Variants in BTBD3 observed in about 807,000 individuals in gnomAD.
The protein encoded by BTBD3 is BTB domain containing 3.
In BTBD3, 14 loss-of-function variants were observed where a neutral mutation model predicts 41.6. That is an observed-to-expected ratio of 0.34 (90% CI 0.22 to 0.53). BTBD3 has a LOEUF of 0.53. BTBD3 is among the 20% of genes least tolerant of loss of function. BTBD3 has a pLI of 0.95. For missense variants in BTBD3, 426 were observed against 654.7 expected (o/e 0.65, Z 3.81); for synonymous variants, 249 against 233.7 (o/e 1.07, Z -0.60).
upstream of BTBD3, chr20:11,913,441 T>A (rs1163934393): frequency 6.6e-6 from 1 of 152,142 alleles, no homozygotes; most frequent in African/African-American, 2.4e-5. Context: ...CTACATATGT[T>A]CATGGTTTTC....
chr20:11,897,003 C>A (rs986460454), intron 1 of BTBD3, among the ~76,000 whole-genome samples: 9 of 152,068 alleles, frequency 5.9e-5, no homozygotes, highest in Non-Finnish European at 2.9e-5. Flanking sequence ...GTTATTCCTC[C>A]TTTTTTAATA....
chr20:11,911,373 T>C (rs914015228), intron 1 of BTBD3, among the ~76,000 whole-genome samples: 5 of 152,216 alleles, frequency 3.3e-5, no homozygotes, highest in Non-Finnish European at 5.9e-5. Context: ...GCAAATATTA[T>C]ACAGATTTTT....
intron 1 of BTBD3, among the ~76,000 whole-genome samples, chr20:11,892,243 C>T (rs925534183): frequency 5.9e-5 from 9 of 152,128 alleles, no homozygotes; most frequent in African/African-American, 2.2e-4. Context: ...TTTTGAATTT[C>T]TGTTGAGGTT....
At chr20:11,891,078 G>C (rs1343153493) in intron 1 of BTBD3, 7 of 681,678 alleles carry the variant, frequency 1.0e-5, no homozygotes, top group Non-Finnish European at 1.3e-5. Context: ...GGAGAGGCCG[G>C]GCTGGTGGCC....
intron 1 of BTBD3, among the ~76,000 whole-genome samples, chr20:11,907,393 T>C (rs1364264401): frequency 6.6e-6 from 1 of 152,194 alleles, no homozygotes; most frequent in Non-Finnish European, 1.5e-5. Flanking sequence ...ACACTGTAGA[T>C]CTTAGTTTCA....
rs774541115 is a variant in BTBD3, at chr20:11,918,371, A to G, written c.96A>G (p.Lys32=). The change falls in exon 1 of 4, where the codon AAA becomes AAG. Residue 32 remains lysine, a synonymous_variant. Transcript: ENST00000378226. ...VKNRSKKSSK[K]ANTSSSSSNS... is the part of the protein sequence containing the mutation. The stretch of plus-strand genomic sequence containing the variant: ...ACAGGTCCAAGAAAAGCTCAAAGAA[A>G]GCAAATACCAGCAGCAGCAGTAGCA... 1 of 1,614,198 alleles carries G rather than the reference A, an allele frequency of 6.2e-7. No homozygotes were observed. The highest frequency in any genetic ancestry group is 8.5e-7 in the Non-Finnish European group (1 of 1,180,012).
chr20:11,911,820 A>G (rs537654676), intron 1 of BTBD3, among the ~76,000 whole-genome samples: 2 of 152,294 alleles, frequency 1.3e-5, no homozygotes, highest in South Asian at 2.1e-4. Context: ...CCCCTTTTCA[A>G]GATCACTTAA....
intron 1 of BTBD3, among the ~76,000 whole-genome samples, chr20:11,896,970 G>C (rs1459819961): frequency 6.6e-6 from 1 of 152,190 alleles, no homozygotes; most frequent in Non-Finnish European, 1.5e-5. Context: ...ATCTTTACCT[G>C]TTGGCAGTAT....
Position 11,923,131 on chromosome 20 carries a change from C to G in BTBD3, c.1034C>G (p.Thr345Ser), listed in dbSNP as rs1166867527. The G allele has an allele frequency of 1.2e-6, 2 of 1,613,988 alleles. No individual in the cohort carries two copies. Among genetic ancestry groups the G allele is most frequent in the African/African-American group, 2.7e-5 (2 of 74,932 alleles). The change falls in exon 4 of 4, where the codon ACC (threonine) becomes AGC (serine). Residue 345 changes from threonine to serine, a missense_variant. Physicochemically the swap from Thr to Ser is moderately conservative, Grantham distance 58. This residue lies in a region of BTBD3 where 321 missense variants were observed against 534.8 expected (regional missense o/e 0.60). Coordinates refer to ENST00000378226, the MANE Select transcript of BTBD3 (RefSeq NM_014962.4). The surrounding 1 kb of genome is among the most constrained non-coding windows in gnomAD (Gnocchi z 5.3). ...TCCGGGGTATTAACTCTCAATGAGA[C>G]CAACGACATCTTCCTCTGGTATACT... ...AQSGVLTLNE[T>S]NDIFLWYTAA... is the part of the protein sequence containing the mutation.
chr20:11,914,613 T>G (rs1445915453), upstream of BTBD3, among the ~76,000 whole-genome samples: 2 of 151,534 alleles, frequency 1.3e-5, no homozygotes, highest in Admixed American at 6.6e-5. Context: ...ACACTAAAAC[T>G]TAAAGTATAA....
chr20:11,920,949 C>CT (rs2056965417), intron 3 of BTBD3, among the ~76,000 whole-genome samples: 1 of 56,476 alleles, frequency 1.8e-5, no homozygotes, highest in African/African-American at 4.8e-5. Flanking sequence ...ACTGACAAGA[C>CT]CTTCACAGTA....
intron 1 of BTBD3, among the ~76,000 whole-genome samples, chr20:11,897,308 A>T (rs112660698): frequency 1.5e-4 from 23 of 152,280 alleles, no homozygotes; most frequent in African/African-American, 5.3e-4. Flanking sequence ...AAGACGCTTC[A>T]GCCTAAATAT....
intron 1 of BTBD3, among the ~76,000 whole-genome samples, chr20:11,897,136 A>T (rs141030073): frequency 4.1e-4 from 63 of 152,182 alleles, no homozygotes; most frequent in Admixed American, 1.1e-3. Context: ...TCACCAGCCT[A>T]TGAATTTAGA....
At chr20:11,891,556 G>T (rs972925447) in intron 1 of BTBD3, 6 of 152,306 alleles carry the variant, frequency 3.9e-5, no homozygotes, top group African/African-American at 1.4e-4. Context: ...CGATGGCGGG[G>T]GCGGCTTCCT....
intron 2 of BTBD3, chr20:11,919,458 A>T: frequency 1.4e-6 from 2 of 1,396,722 alleles, no homozygotes; most frequent in Non-Finnish European, 1.9e-6. Context: ...TTCTCCTAGA[A>T]ATTAGTTATG....
chr20:11,918,839 A>C (rs1568615121), intron 1 of BTBD3: 3 of 572,782 alleles, frequency 5.2e-6, no homozygotes, highest in Non-Finnish European at 8.9e-6. Context: ...GGGCCATAGA[A>C]AATGGGAACC....
chr20:11,891,241 G>A (rs1289143663), intron 1 of BTBD3: 1 of 151,626 alleles, frequency 6.6e-6, no homozygotes, highest in Admixed American at 6.6e-5. Flanking sequence ...GGGGGCGGAG[G>A]GGCAGGGCCG....
chr20:11,913,392 A>T (rs1400414397), upstream of BTBD3: 1 of 122,922 alleles, frequency 8.1e-6, no homozygotes, highest in Non-Finnish European at 1.8e-5. Context: ...GTATCCTTTC[A>T]GCATTCTTGC....
chr20:11,893,343 T>C (rs920907138), intron 1 of BTBD3, among the ~76,000 whole-genome samples: 9 of 152,248 alleles, frequency 5.9e-5, no homozygotes, highest in African/African-American at 2.2e-4. Flanking sequence ...TTTAAATTTC[T>C]GTTAACTGAG....
Sources: allele counts gnomAD v4.1 joint callset (sites outside exome capture counted in the v4.1 genomes callset), GRCh38; gene constraint gnomAD v4.1.1; regional missense constraint gnomAD v4.1.1; non-coding constraint Gnocchi (gnomAD v3.1); transcripts MANE v1.5; gene names NCBI Gene and HGNC (gene_info 2026-07-23, HGNC 2026-07-21).